TSHR: variants seen among roughly 807,000 people sequenced by gnomAD.
TSHR encodes thyrotropin receptor.
TSHR carries 51 observed loss-of-function variants against 64.1 expected under a neutral mutation model. That is an observed-to-expected ratio of 0.80 (90% CI 0.64 to 1.01). The LOEUF (loss-of-function observed/expected upper bound fraction) is 1.01, where lower values mean the gene tolerates loss of function less well. TSHR is among the 50% of genes least tolerant of loss of function. TSHR has a pLI of 0.00. For missense variants in TSHR, 877 were observed against 942.8 expected (o/e 0.93, Z 0.91); for synonymous variants, 361 against 361.9 (o/e 1.00, Z 0.03).
At chr14:81,121,568 G>A (rs1890792868) in intron 8 of TSHR, among the ~76,000 whole-genome samples, 1 of 152,160 alleles carries the variant, frequency 6.6e-6, no homozygotes, top group South Asian at 2.1e-4. Flanking sequence ...ACCACAAAGG[G>A]AGGTCTGAGG....
At chr14:81,062,059 C>A in intron 1 of TSHR, 89 bp from the exon 2 acceptor site, 1 of 1,175,666 alleles carries the variant, frequency 8.5e-7, no homozygotes, top group Non-Finnish European at 1.2e-6. Context: ...AACTGTCATG[C>A]TTTTTAATTA....
chr14:80,982,361 A>T, intron 1 of TSHR: 1 of 1,246,824 alleles, frequency 8.0e-7, no homozygotes, highest in Non-Finnish European at 1.1e-6. Flanking sequence ...TGGTTCTGAA[A>T]TGGAGAAGAG....
chr14:81,041,997 G>T (rs767521901), intron 1 of TSHR, among the ~76,000 whole-genome samples: 5 of 152,036 alleles, frequency 3.3e-5, no homozygotes, highest in Non-Finnish European at 5.9e-5. Flanking sequence ...ATGGGCAAAA[G>T]ACCTAAATAG....
chr14:80,971,484 G>C (rs947454680), intron 1 of TSHR, among the ~76,000 whole-genome samples: 5 of 152,308 alleles, frequency 3.3e-5, no homozygotes, highest in Admixed American at 6.5e-5. Flanking sequence ...CACATATAAA[G>C]TGCTACAGGC....
intron 1 of TSHR, among the ~76,000 whole-genome samples, chr14:80,970,748 G>T (rs748435670): frequency 1.3e-5 from 2 of 152,194 alleles, no homozygotes; most frequent in African/African-American, 4.8e-5. Context: ...AAGCCAAGAC[G>T]CCCAGCAAGT....
chr14:80,967,278 C>A (rs1333465169), intron 1 of TSHR, among the ~76,000 whole-genome samples: 1 of 138,302 alleles, frequency 7.2e-6, no homozygotes, highest in Non-Finnish European at 1.5e-5. Context: ...CAAGACCTGA[C>A]TTACATTTTT....
chr14:81,042,824 A>G (rs949594080), intron 1 of TSHR, among the ~76,000 whole-genome samples: 1 of 152,294 alleles, frequency 6.6e-6, no homozygotes, highest in East Asian at 1.9e-4. Flanking sequence ...TGATAAATGT[A>G]TAAGGTAATT....
At chr14:81,032,556 G>T in intron 1 of TSHR, 3 of 433,182 alleles carry the variant, frequency 6.9e-6, no homozygotes, top group Non-Finnish European at 1.4e-5. Flanking sequence ...GACTGTAGTG[G>T]TTCTCCTTGC....
chr14:81,083,908 G>T (rs1213957306), intron 3 of TSHR, among the ~76,000 whole-genome samples: 1 of 152,128 alleles, frequency 6.6e-6, no homozygotes, highest in Non-Finnish European at 1.5e-5. Context: ...AGAGCAAAGT[G>T]GGGTAGATCC....
intron 8 of TSHR, among the ~76,000 whole-genome samples, chr14:81,127,663 A>G (rs1891072951): frequency 6.6e-6 from 1 of 152,180 alleles, no homozygotes; most frequent in African/African-American, 2.4e-5. Context: ...ATGGTAGTGA[A>G]TAAGTCTCAC....
At chr14:81,097,700 T>C (rs1246743948) in intron 7 of TSHR, among the ~76,000 whole-genome samples, 1 of 152,192 alleles carries the variant, frequency 6.6e-6, no homozygotes, top group East Asian at 1.9e-4. Flanking sequence ...GGTTAGGTGG[T>C]AGGTTCTGGA....
At chr14:81,040,700 A>C (rs1006476786) in intron 1 of TSHR, among the ~76,000 whole-genome samples, 7 of 152,334 alleles carry the variant, frequency 4.6e-5, no homozygotes, top group African/African-American at 1.4e-4. Flanking sequence ...GGCACAGCAA[A>C]AGTAACTATC....
At chr14:81,012,502 T>C (rs1301741758) in intron 1 of TSHR, 1 of 149,890 alleles carries the variant, frequency 6.7e-6, no homozygotes, top group East Asian at 2.0e-4. Flanking sequence ...TCTAGATCCC[T>C]GAGGAATCGC....
chr14:81,055,483 C>T (rs1383122684), intron 1 of TSHR, among the ~76,000 whole-genome samples: 2 of 152,168 alleles, frequency 1.3e-5, no homozygotes, highest in Non-Finnish European at 2.9e-5. Context: ...ACCACTTGCA[C>T]CATGCACCTG....
chr14:80,959,834 A>G (rs1257514585), intron 1 of TSHR, among the ~76,000 whole-genome samples: 1 of 152,180 alleles, frequency 6.6e-6, no homozygotes, highest in Non-Finnish European at 1.5e-5. Flanking sequence ...CATCTTTGGC[A>G]TTTGTACCCT....
intron 1 of TSHR, among the ~76,000 whole-genome samples, chr14:80,975,915 A>ATTT (rs33975260): frequency 0.014 from 1,931 of 142,814 alleles, 21 homozygotes; most frequent in African/African-American, 0.024. Context: ...CAGCAAATGC[A>ATTT]TTTTTTTTTT....
chr14:81,108,260 C>A, intron 7 of TSHR, 115 bp from the exon 8 acceptor site: 2 of 893,622 alleles, frequency 2.2e-6, no homozygotes, highest in Non-Finnish European at 3.7e-6. Flanking sequence ...CTTCTAAATT[C>A]TTGAAATCAG....
chr14:81,008,060 T>A (rs1466314787), intron 1 of TSHR, among the ~76,000 whole-genome samples: 1 of 152,208 alleles, frequency 6.6e-6, no homozygotes, highest in African/African-American at 2.4e-5. Context: ...TGTCTATTCT[T>A]CACCTAACAA....
At chr14:80,981,725 A>G (rs1888182509) in intron 1 of TSHR, among the ~76,000 whole-genome samples, 1 of 152,086 alleles carries the variant, frequency 6.6e-6, no homozygotes, top group Non-Finnish European at 1.5e-5. Context: ...GTGGCTTTGG[A>G]TTGTCGGACG....
Sources: allele counts gnomAD v4.1 joint callset (sites outside exome capture counted in the v4.1 genomes callset), GRCh38; gene constraint gnomAD v4.1.1; transcripts MANE v1.5; gene names NCBI Gene and HGNC (gene_info 2026-07-23, HGNC 2026-07-21).